The following UBXN7 variants were observed in gnomAD, a reference collection of about 807,000 sequenced individuals.
UBXN7 encodes UBX domain protein 7.
UBXN7 carries 9 observed loss-of-function variants against 58.0 expected under a neutral mutation model. That is an observed-to-expected ratio of 0.16 (90% confidence interval 0.09 to 0.27). The LOEUF (loss-of-function observed/expected upper bound fraction) is 0.27, where lower values mean the gene tolerates loss of function less well. UBXN7 is among the 10% of genes least tolerant of loss of function. The pLI is 1.00. For synonymous variants in UBXN7, 208 were observed against 205.0 expected (o/e 1.01, Z -0.12); for missense variants, 328 against 599.6 (o/e 0.55, Z 4.73).
intron 5 of UBXN7, among the ~76,000 whole-genome samples, chr3:196,387,499 G>A (rs1237441579): frequency 6.7e-6 from 1 of 150,060 alleles, no homozygotes; most frequent in African/African-American, 2.4e-5. Context: ...GAGTGAACAG[G>A]CAACCTACAG....
At chr3:196,407,169 C>G in intron 2 of UBXN7, 77 bp downstream of exon 2, 10 of 1,532,478 alleles carry the variant, frequency 6.5e-6, no homozygotes, top group Non-Finnish European at 8.8e-6. Flanking sequence ...ACCAGAGAAT[C>G]GACCTAGCTT....
At chr3:196,409,753 C>A (rs959706512) in intron 1 of UBXN7, among the ~76,000 whole-genome samples, 3 of 152,060 alleles carry the variant, frequency 2.0e-5, no homozygotes, top group Admixed American at 1.3e-4. Flanking sequence ...AGGGGAGGAG[C>A]CTTCTTTCAG....
chr3:196,356,427 T>G lies in UBXN7; in HGVS notation c.*258A>C. 5 of 343,034 alleles carry G rather than the reference T, an allele frequency of 1.5e-5. No individual in the cohort carries two copies. The highest frequency in any genetic ancestry group is 6.2e-5 in the East Asian group (1 of 16,002). 21.2% of individuals were successfully genotyped at this position (343,034 alleles called of 1,614,324 possible). A position where few individuals can be genotyped will look rare whatever the true frequency, so the allele number is the denominator to read the frequency against. ...CTTACACTTCAGTTTGGTCACCAGA[T>G]TAGGTAAGAAAGAAAAGTGTGGGGG... On this transcript the variant is annotated 3_prime_UTR_variant, in exon 11 of 11. Transcript: ENST00000296328.
rs869218456 is a variant in UBXN7, at chr3:196,404,261, G to GTT, written c.222-1244_222-1243dup. On this transcript the variant is annotated intron_variant, in intron 2 of 10. Transcript: ENST00000296328. ...ATATAAATTTATGTTAGCCCTAATG[G>GTT]TTTTTTTTTTTTTTTTTTTGAGACG... 2.2e-3 allele frequency among the ~76,000 whole-genome samples: 281 copies of GTT among 129,382 alleles called. 1 individual carries two copies. Among genetic ancestry groups the GTT allele is most frequent in the African/African-American group, 2.7e-3 (94 of 35,024 alleles). The allele number at this position is 129,382 out of a possible 152,430, so 84.9% of individuals were successfully genotyped here.
At chr3:196,412,010 T>C (rs1730343897) in intron 1 of UBXN7, among the ~76,000 whole-genome samples, 1 of 151,582 alleles carries the variant, frequency 6.6e-6, no homozygotes, top group Admixed American at 6.6e-5. Context: ...AGGTGGATCA[T>C]TTGAGCTCAG....
intron 5 of UBXN7, among the ~76,000 whole-genome samples, chr3:196,389,307 C>A (rs1729507203): frequency 6.6e-6 from 1 of 152,184 alleles, no homozygotes; most frequent in Non-Finnish European, 1.5e-5. Context: ...AACCTGACAT[C>A]TTTGAGCTTA....
rs1224996978 is a variant in UBXN7, at chr3:196,411,572, G to A, written c.74-4179C>T. ...CACATCTGTAATCCCAGCACTTTGA[G>A]AGACCAAGGCAGGCAGATCACCTGA... is the stretch of plus-strand genomic sequence containing the variant. On this transcript the variant is annotated intron_variant, in intron 1 of 10. Coordinates refer to ENST00000296328, the MANE Select transcript of UBXN7 (RefSeq NM_015562.2). 3.3e-5 allele frequency among the ~76,000 whole-genome samples: 5 copies of A among 152,362 alleles called. No individual in the cohort carries two copies. In the East Asian group the frequency reaches 7.7e-4, roughly 23 times the overall value.
chr3:196,428,199 G>C (rs1048041105), intron 1 of UBXN7, among the ~76,000 whole-genome samples: 2 of 152,172 alleles, frequency 1.3e-5, no homozygotes, highest in East Asian at 1.9e-4. Context: ...TTCTCAGTGT[G>C]GTTACTTCAA....
At chr3:196,410,803 CGGA>C (rs1324381629) in intron 1 of UBXN7, among the ~76,000 whole-genome samples, 1 of 150,592 alleles carries the variant, frequency 6.6e-6, no homozygotes, top group East Asian at 1.9e-4. Flanking sequence ...GCCTGGGCAA[CGGA>C]GCAAGACTCC....
chr3:196,408,565 A>T (rs1173848915), intron 1 of UBXN7, among the ~76,000 whole-genome samples: 1 of 151,984 alleles, frequency 6.6e-6, no homozygotes, highest in East Asian at 1.9e-4. Flanking sequence ...ATTTGGGATG[A>T]TTTTTCTTCT....
At chr3:196,404,557 C>T (rs1730101182) in intron 2 of UBXN7, among the ~76,000 whole-genome samples, 2 of 152,218 alleles carry the variant, frequency 1.3e-5, no homozygotes, top group South Asian at 2.1e-4. Flanking sequence ...CCACCGCGCC[C>T]GGCCAATGGT....
intron 5 of UBXN7, among the ~76,000 whole-genome samples, chr3:196,391,282 C>A (rs1216557986): frequency 1.3e-5 from 2 of 152,114 alleles, no homozygotes; most frequent in Non-Finnish European, 2.9e-5. Context: ...AAAAGGATTT[C>A]ATCAATCTCA....
At position 196,402,940 on chromosome 3, in the gene UBXN7, A is replaced by C. The variant is rs904251445; in HGVS notation, c.289+12T>G. The stretch of plus-strand genomic sequence containing the variant: ...AAAATCAAATAAGGCTAAGGGAAAA[A>C]AGTGAACTTACCACCAAATAATGGT... On this transcript the variant is annotated intron_variant, in intron 3 of 10. Transcript: ENST00000296328. 1 of 1,590,940 alleles carries C rather than the reference A, an allele frequency of 6.3e-7. No homozygotes were observed. The highest frequency in any genetic ancestry group is 8.5e-7 in the Non-Finnish European group (1 of 1,175,206).
intron 5 of UBXN7, among the ~76,000 whole-genome samples, chr3:196,379,864 T>C (rs1158278177): frequency 1.3e-5 from 2 of 152,100 alleles, no homozygotes; most frequent in African/African-American, 2.4e-5. Context: ...GCCAGAATGA[T>C]GTTACTGGAA....
chr3:196,418,460 T>C (rs1398487887), intron 1 of UBXN7, among the ~76,000 whole-genome samples: 1 of 152,200 alleles, frequency 6.6e-6, no homozygotes, highest in Non-Finnish European at 1.5e-5. Flanking sequence ...ACTCATCTGA[T>C]GCTATGAACA....
At chr3:196,372,328 T>TCTCTCTCTCTCTCTCTCTC (rs1173128048) in intron 5 of UBXN7, among the ~76,000 whole-genome samples, 1 of 103,868 alleles carries the variant, frequency 9.6e-6, no homozygotes, top group Non-Finnish European at 2.2e-5. Context: ...CTCTCTCTCC[T>TCTCTCTCTCTCTCTCTCTC]TTCTTTCTTT....
chr3:196,386,117 A>C (rs1729385933), intron 5 of UBXN7, among the ~76,000 whole-genome samples: 1 of 152,078 alleles, frequency 6.6e-6, no homozygotes, highest in African/African-American at 2.4e-5. Flanking sequence ...TGTGTCCACT[A>C]AGGGTTAAAT....
intron 3 of UBXN7, chr3:196,399,891 C>G (rs1279079614): frequency 2.0e-5 from 3 of 152,140 alleles, no homozygotes; most frequent in Non-Finnish European, 4.4e-5. Flanking sequence ...TAAATGTCAC[C>G]ACAATGAAAA....
At chr3:196,412,541 C>A (rs1730365566) in intron 1 of UBXN7, among the ~76,000 whole-genome samples, 1 of 152,106 alleles carries the variant, frequency 6.6e-6, no homozygotes, top group African/African-American at 2.4e-5. Context: ...AAAAAGCTAA[C>A]AACAGAATAT....
Sources: allele counts gnomAD v4.1 joint callset (sites outside exome capture counted in the v4.1 genomes callset), GRCh38; gene constraint gnomAD v4.1.1; transcripts MANE v1.5; gene names NCBI Gene and HGNC (gene_info 2026-07-23, HGNC 2026-07-21).